The following HDAC4 variants were observed in gnomAD, a reference collection of about 807,000 sequenced individuals.
HDAC4 encodes the protein histone deacetylase A.
HDAC4 carries 16 observed loss-of-function variants against 135.1 expected under a neutral mutation model. The observed-to-expected ratio is 0.12, with a 90% CI of 0.08 to 0.18. The LOEUF is 0.18. Ranked by LOEUF, HDAC4 falls within the 10% of genes least tolerant of loss-of-function variation. The pLI is 1.00. For synonymous variants in HDAC4, 685 were observed against 653.4 expected, an observed-to-expected ratio of 1.05 and a Z score of -0.74; for missense variants, 1,143 against 1,511.8, an observed-to-expected ratio of 0.76 and a Z score of 4.05.
At position 239,190,119 on chromosome 2, in the gene HDAC4, T is replaced by C. The variant is rs771816481; in HGVS notation, c.95-42A>G. The C allele has an allele frequency of 7.1e-6, 11 of 1,559,136 alleles. No individual in the cohort carries two copies. The South Asian group carries it at 1.2e-4, about 18-fold the overall frequency. On this transcript the variant is annotated intron_variant, in intron 3 of 26. Coordinates refer to ENST00000543185, the MANE Select transcript of HDAC4 (RefSeq NM_001378414.1). ...CAGGAGAGCCGGTCACTGCCGCCCT[T>C]TGCTGTCCCTGGGCCCCAGAGCCCC... is the stretch of plus-strand genomic sequence containing the variant.
rs1047497818 is a variant in HDAC4 at position 239,149,961 on chromosome 2, C to T, written c.734-5247G>A. 5.3e-5 allele frequency among the ~76,000 whole-genome samples: 8 copies of T among 152,178 alleles called. 1 individual carries two copies. The highest frequency in any genetic ancestry group is 1.9e-4 in the African/African-American group (8 of 41,444). ...AACCAGCAGCTCCATTTTCAGGAAC[C>T]TTTCCTACAGAAATACTAACACAGT... On this transcript the variant is annotated intron_variant, in intron 7 of 26. Coordinates refer to ENST00000543185, the MANE Select transcript of HDAC4 (RefSeq NM_001378414.1).
Position 239,352,149 on chromosome 2 carries a change from A to G in HDAC4, c.22+529T>C. Among the ~76,000 whole-genome samples, 1 of 152,174 alleles carries G rather than the reference A, an allele frequency of 6.6e-6. No homozygotes were observed. Among genetic ancestry groups the G allele is most frequent in the East Asian group, 1.9e-4 (1 of 5,192 alleles). On this transcript the variant is annotated intron_variant, in intron 2 of 26. Transcript: ENST00000543185. This position sits in a 1 kb window ranked among gnomAD's most constrained non-coding sequence, Gnocchi z 4.4. ...CTCAGGCAAATTACTTCTTCCCTCC[A>G]GGCCTGAGATGATCTGGGGCTGTAC...
At position 239,400,642 on chromosome 2, in the gene HDAC4, G is replaced by A. The variant is rs1488286949; in HGVS notation, c.-220+336C>T. The A allele has an allele frequency of 2.0e-5, 3 of 146,816 alleles. No homozygotes were observed. Among genetic ancestry groups the A allele is most frequent in the African/African-American group, 7.4e-5 (3 of 40,742 alleles). 9.1% of individuals were successfully genotyped at this position (146,816 alleles called of 1,614,324 possible). ...GGCCTGCAGGCTGCGCGGGGCGCGGGGCGGGCGGCGGACAATGGCCCGCGG... is the reference window on the plus strand; with the variant it reads ...GGCCTGCAGGCTGCGCGGGGCGCGGAGCGGGCGGCGGACAATGGCCCGCGG... On this transcript the variant is annotated intron_variant, in intron 1 of 26. Coordinates refer to ENST00000543185, the MANE Select transcript of HDAC4 (RefSeq NM_001378414.1). This position sits in a 1 kb window ranked among gnomAD's most constrained non-coding sequence, Gnocchi z 4.7.
At position 239,375,102 on chromosome 2, in the gene HDAC4, C is replaced by T. The variant is rs373076909; in HGVS notation, c.-219-22184G>A. ...GTCTGATGGGTCAGCTGGGAGAACA[C>T]GCAGAGCCAGGCAGGGTCCACAGAG... On this transcript the variant is annotated intron_variant, in intron 1 of 26. Transcript: ENST00000543185. 2.2e-4 allele frequency among the ~76,000 whole-genome samples: 33 copies of T among 152,160 alleles called. 1 individual carries two copies. The highest frequency in any genetic ancestry group is 1.5e-3 in the East Asian group (8 of 5,188).
intron 2 of HDAC4, among the ~76,000 whole-genome samples, chr2:239,302,123 A>G (rs1380580043): frequency 2.0e-5 from 3 of 152,202 alleles, no homozygotes; most frequent in African/African-American, 7.2e-5. Flanking sequence ...AAACATTCTC[A>G]GTATCATTCT....
At chr2:239,311,765 G>A (rs2052889967) in intron 2 of HDAC4, among the ~76,000 whole-genome samples, 1 of 152,188 alleles carries the variant, frequency 6.6e-6, no homozygotes, top group East Asian at 1.9e-4. Flanking sequence ...TTTAATGGCA[G>A]GTGTTACAAT....
chr2:239,159,203 C>CCTCACATTACTCACACCCACAT (rs2042620902), intron 6 of HDAC4, among the ~76,000 whole-genome samples: 2 of 151,602 alleles, frequency 1.3e-5, no homozygotes, highest in Non-Finnish European at 2.9e-5. Flanking sequence ...CCCACCCACA[C>CCTCACATTACTCACACCCACAT]CTCACATTAC....
intron 2 of HDAC4, among the ~76,000 whole-genome samples, chr2:239,312,546 A>T (rs538082624): frequency 6.6e-6 from 1 of 152,230 alleles, no homozygotes; most frequent in Non-Finnish European, 1.5e-5. Context: ...CCTCCATTCT[A>T]AAGCAAACGC....
chr2:239,265,341 G>A lies in HDAC4; in HGVS notation c.23-28677C>T, dbSNP rs183595107. On this transcript the variant is annotated intron_variant, in intron 2 of 26. Coordinates refer to ENST00000543185, the MANE Select transcript of HDAC4 (RefSeq NM_001378414.1). ...TCAGCAAACACCGCCACAGACTTTC[G>A]TATCAGGAAGTCAATCTTAGCCCAG... 4.6e-5 allele frequency among the ~76,000 whole-genome samples: 7 copies of A among 152,324 alleles called. No individual in the cohort carries two copies. The East Asian group carries it at 1.2e-3, about 25-fold the overall frequency.
At chr2:239,370,172 C>T (rs1007167548) in intron 1 of HDAC4, among the ~76,000 whole-genome samples, 1 of 152,150 alleles carries the variant, frequency 6.6e-6, no homozygotes, top group African/African-American at 2.4e-5. Flanking sequence ...GGGGTCAAAA[C>T]AGAGTTTAAA....
rs539200977 is a variant in HDAC4 at position 239,303,878 on chromosome 2, G to A, written c.22+48800C>T. Among the ~76,000 whole-genome samples the A allele has an allele frequency of 3.9e-5, 6 of 152,148 alleles. No homozygotes were observed. Among genetic ancestry groups the A allele is most frequent in the South Asian group, 4.1e-4 (2 of 4,826 alleles). Reference sequence around the variant, plus strand: ...CCCCAGATACCCACCAGACCCTACAGGCCTGCCCCGTGGCCCTGGGAATGC... The same window carrying A: ...CCCCAGATACCCACCAGACCCTACAAGCCTGCCCCGTGGCCCTGGGAATGC... On this transcript the variant is annotated intron_variant, in intron 2 of 26. Transcript: ENST00000543185. This position sits in a 1 kb window ranked among gnomAD's most constrained non-coding sequence, Gnocchi z 5.1.
chr2:239,053,293 T>C (rs960285151), intron 26 of HDAC4, among the ~76,000 whole-genome samples, 157 bp from the exon 27 acceptor site: 1 of 152,212 alleles, frequency 6.6e-6, no homozygotes, highest in Non-Finnish European at 1.5e-5. Flanking sequence ...CTAATGCTCC[T>C]CATGCGTCTC....
chr2:239,102,415 G>A (rs1298811826), intron 16 of HDAC4, among the ~76,000 whole-genome samples: 6 of 152,204 alleles, frequency 3.9e-5, no homozygotes, highest in Non-Finnish European at 7.3e-5. Flanking sequence ...GCCTCCTCCT[G>A]GTCTTGCTCT....
At chr2:239,231,697 G>A (rs1420872064) in intron 3 of HDAC4, among the ~76,000 whole-genome samples, 3 of 48,510 alleles carry the variant, frequency 6.2e-5, no homozygotes, top group Non-Finnish European at 1.4e-4. Flanking sequence ...GATGCCTGAG[G>A]TAGGCGTCCT....
At chr2:239,098,600 C>T (rs769508652) in intron 16 of HDAC4, among the ~76,000 whole-genome samples, 1 of 152,226 alleles carries the variant, frequency 6.6e-6, no homozygotes, top group African/African-American at 2.4e-5. Flanking sequence ...CTCAGGCCCA[C>T]GAGCCAATTC....
intron 22 of HDAC4, among the ~76,000 whole-genome samples, chr2:239,075,020 G>A (rs973705218): frequency 6.6e-6 from 1 of 151,944 alleles, no homozygotes; most frequent in Non-Finnish European, 1.5e-5. Flanking sequence ...TCAGGAGATC[G>A]AGACCATCCT....
At chr2:239,281,196 C>A (rs1007808281) in intron 2 of HDAC4, among the ~76,000 whole-genome samples, 1 of 136,722 alleles carries the variant, frequency 7.3e-6, no homozygotes, top group African/African-American at 2.8e-5. Flanking sequence ...ATGTACACAC[C>A]CCTCTACAAT....
rs528609316 is a variant in HDAC4, at chr2:239,084,246, C to A, written c.2445-4G>T. Reference sequence around the variant, plus strand: ...GGAGTTGAAGTAGCAAAAGCCCCTGCGGGAGAGAACTGACGCTGGAGACGA... The same window carrying A: ...GGAGTTGAAGTAGCAAAAGCCCCTGAGGGAGAGAACTGACGCTGGAGACGA... On this transcript the variant is annotated splice_polypyrimidine_tract_variant and splice_region_variant and intron_variant, in intron 19 of 26. Transcript: ENST00000543185. 2 of 1,607,036 alleles carry A rather than the reference C, an allele frequency of 1.2e-6. No individual in the cohort carries two copies. The highest frequency in any genetic ancestry group is 1.7e-6 in the Non-Finnish European group (2 of 1,175,296).
At chr2:239,095,149 C>G (rs1274574218) in intron 16 of HDAC4, 93 bp from the exon 17 acceptor site, 1 of 1,368,498 alleles carries the variant, frequency 7.3e-7, no homozygotes, top group Non-Finnish European at 1.0e-6. Flanking sequence ...TTCAGTGGCA[C>G]TTGGGCATTT....
Sources: allele counts gnomAD v4.1 joint callset (sites outside exome capture counted in the v4.1 genomes callset), GRCh38; gene constraint gnomAD v4.1.1; non-coding constraint Gnocchi (gnomAD v3.1); transcripts MANE v1.5; gene names NCBI Gene and HGNC (gene_info 2026-07-23, HGNC 2026-07-21).